The following ITCH variants were observed in gnomAD, a reference collection of about 807,000 sequenced individuals.
ITCH encodes itchy E3 ubiquitin protein ligase, also known as E3 ubiquitin-protein ligase Itchy homolog.
Under a neutral mutation model 126.8 loss-of-function variants are expected in ITCH, and 28 were observed. The observed-to-expected ratio is 0.22, with a 90% confidence interval of 0.16 to 0.30. ITCH has a LOEUF of 0.30. Among genes scored for constraint, ITCH ranks in the 10% least tolerant of loss-of-function variants. The pLI is 1.00. For missense variants in ITCH, 631 were observed against 1,032.4 expected (o/e 0.61, Z 5.33); for synonymous variants, 342 against 340.0 (o/e 1.01, Z -0.06).
intron 12 of ITCH, among the ~76,000 whole-genome samples, chr20:34,454,249 T>C (rs1985608551): frequency 6.6e-6 from 1 of 150,946 alleles, no homozygotes; most frequent in African/African-American, 2.4e-5. Context: ...GCCATTCTCC[T>C]GCCTCAGCCT....
intron 7 of ITCH, among the ~76,000 whole-genome samples, chr20:34,436,323 G>A (rs1398947178): frequency 6.6e-6 from 1 of 152,208 alleles, no homozygotes; most frequent in Non-Finnish European, 1.5e-5. Flanking sequence ...ATCAGTAGCA[G>A]AGTCAGAGCT....
At chr20:34,474,987 C>T (rs1312719571) in intron 16 of ITCH, among the ~76,000 whole-genome samples, 1 of 151,878 alleles carries the variant, frequency 6.6e-6, no homozygotes, top group African/African-American at 2.4e-5. Context: ...GGGGTCGCGG[C>T]TGGGCAGAGG....
At chr20:34,489,676 A>G (rs1295120848) in intron 21 of ITCH, 146 bp from the exon 22 acceptor site, 4 of 716,790 alleles carry the variant, frequency 5.6e-6, no homozygotes, top group South Asian at 3.0e-5. Context: ...TTCATGAGCA[A>G]TGTAGATATA....
In ITCH at chr20:34,475,427, C is replaced by T. The variant is rs1446939967; in HGVS notation, c.1570-2345C>T. Among the ~76,000 whole-genome samples the T allele has an allele frequency of 3.3e-5, 5 of 152,332 alleles. No homozygotes were observed. The East Asian group carries it at 5.8e-4, about 18-fold the overall frequency. ...CGGCACCTCGGGAGGCCAAGGCTGGCGGATCACTCGCGGTTAGGAGCTGGA... is the reference window on the plus strand; with the variant it reads ...CGGCACCTCGGGAGGCCAAGGCTGGTGGATCACTCGCGGTTAGGAGCTGGA... On this transcript the variant is annotated intron_variant, in intron 16 of 24. Transcript: ENST00000374864.
intron 12 of ITCH, among the ~76,000 whole-genome samples, chr20:34,451,794 A>AT (rs1985279888): frequency 1.3e-5 from 2 of 152,320 alleles, no homozygotes; most frequent in South Asian, 4.1e-4. Flanking sequence ...CAGGCCAGGC[A>AT]TGGTGGCTCA....
chr20:34,428,424 T>C (rs1981843366), intron 7 of ITCH, among the ~76,000 whole-genome samples: 1 of 152,220 alleles, frequency 6.6e-6, no homozygotes, highest in African/African-American at 2.4e-5. Flanking sequence ...GTATCATAAA[T>C]GTGTTTATTG....
intron 12 of ITCH, among the ~76,000 whole-genome samples, chr20:34,453,565 C>G (rs1359404001): frequency 1.3e-5 from 2 of 152,026 alleles, no homozygotes; most frequent in Admixed American, 1.3e-4. Context: ...TCACTGCACT[C>G]CAGCCTGGAC....
chr20:34,498,562 AT>A (rs1247258632), intron 23 of ITCH, among the ~76,000 whole-genome samples: 2 of 151,994 alleles, frequency 1.3e-5, no homozygotes, highest in Non-Finnish European at 2.9e-5. Context: ...TTTATTAAAT[AT>A]TTTTTCTGCA....
At chr20:34,477,712 A>G in intron 16 of ITCH, 60 bp from the exon 17 acceptor site, 1 of 1,479,636 alleles carries the variant, frequency 6.8e-7, no homozygotes, top group Non-Finnish European at 9.4e-7. Context: ...CAAACCTAGA[A>G]GTGGTAGACA....
intron 14 of ITCH, among the ~76,000 whole-genome samples, chr20:34,468,916 A>G (rs1317362610): frequency 6.6e-6 from 1 of 152,234 alleles, no homozygotes. Context: ...GAATCTAGAA[A>G]AAATTACTAG....
intron 6 of ITCH, chr20:34,417,111 T>G (rs1314496652): frequency 3.0e-6 from 2 of 667,206 alleles, no homozygotes; most frequent in Non-Finnish European, 5.5e-6. Context: ...TTTTTTTTTT[T>G]TTTAGATGGG....
intron 13 of ITCH, among the ~76,000 whole-genome samples, chr20:34,460,895 A>G (rs995871865): frequency 6.6e-6 from 1 of 152,040 alleles, no homozygotes; most frequent in Non-Finnish European, 1.5e-5. Flanking sequence ...GTGGTATACA[A>G]CTGTAGTCCT....
chr20:34,465,238 T>G (rs981836189), intron 14 of ITCH, among the ~76,000 whole-genome samples: 2 of 152,174 alleles, frequency 1.3e-5, no homozygotes, highest in African/African-American at 4.8e-5. Flanking sequence ...GGCTGTTTAT[T>G]CTGTTGGTCT....
At chr20:34,418,592 A>C (rs1457283339) in intron 6 of ITCH, among the ~76,000 whole-genome samples, 4 of 152,102 alleles carry the variant, frequency 2.6e-5, no homozygotes, top group Admixed American at 2.0e-4. Context: ...CTAGATCTCA[A>C]CTGGTCTGGG....
intron 9 of ITCH, 89 bp from the exon 10 acceptor site, chr20:34,442,119 A>G: frequency 1.1e-6 from 1 of 887,628 alleles, no homozygotes; most frequent in African/African-American, 1.6e-5. Context: ...TAGTTCAATA[A>G]TGGTCATTTA....
chr20:34,370,123 G>C (rs922139312), intron 2 of ITCH, among the ~76,000 whole-genome samples: 3 of 144,866 alleles, frequency 2.1e-5, no homozygotes, highest in Non-Finnish European at 4.5e-5. Context: ...AAAAAAAAAA[G>C]ACAACATGGT....
intron 15 of ITCH, among the ~76,000 whole-genome samples, chr20:34,470,483 T>A (rs1568977754): frequency 6.6e-6 from 1 of 151,962 alleles, no homozygotes; most frequent in Non-Finnish European, 1.5e-5. Context: ...ACCATCTGAA[T>A]AAGCAAACAT....
intron 7 of ITCH, 80 bp from the exon 8 acceptor site, chr20:34,438,394 C>T (rs986022720): frequency 2.7e-5 from 40 of 1,468,738 alleles, no homozygotes; most frequent in Non-Finnish European, 3.6e-5. Context: ...AGTTTTCATC[C>T]TCCTGCTGTT....
intron 4 of ITCH, among the ~76,000 whole-genome samples, chr20:34,409,730 G>A (rs1182915324): frequency 2.6e-5 from 4 of 152,166 alleles, no homozygotes; most frequent in Non-Finnish European, 5.9e-5. Flanking sequence ...ATCTTTGTAT[G>A]TTGGTGTTTA....
Sources: allele counts gnomAD v4.1 joint callset (sites outside exome capture counted in the v4.1 genomes callset), GRCh38; gene constraint gnomAD v4.1.1; transcripts MANE v1.5; gene names NCBI Gene and HGNC (gene_info 2026-07-23, HGNC 2026-07-21).